Variants in SPOCK3 observed in about 807,000 individuals in gnomAD.
The protein encoded by SPOCK3 is testican-3.
A neutral mutation model predicts 56.6 loss-of-function variants in SPOCK3; 30 were observed. That is an observed-to-expected ratio of 0.53 (90% CI 0.40 to 0.72). The LOEUF (loss-of-function observed/expected upper bound fraction) is 0.72. Among genes scored for constraint, SPOCK3 ranks in the 30% least tolerant of loss-of-function variants. The probability of loss-of-function intolerance (pLI) is 0.00; values close to 1 mark genes in which losing one functional copy is unlikely to be tolerated. For missense variants in SPOCK3, 527 were observed against 530.0 expected, an observed-to-expected ratio of 0.99 and a Z score of 0.06; for synonymous variants, 196 against 183.3, an observed-to-expected ratio of 1.07 and a Z score of -0.56.
chr4:167,062,048 C>G lies in SPOCK3; in HGVS notation c.235+444G>C, dbSNP rs1232746673. On this transcript the variant is annotated intron_variant, in intron 3 of 10. Transcript: ENST00000357545. Reference sequence around the variant, plus strand: ...TTGTATAACACGTTTCCTTTTGGGGCTTGTTAAGACCCCAGCTGAGTCTAA... The same window carrying G: ...TTGTATAACACGTTTCCTTTTGGGGGTTGTTAAGACCCCAGCTGAGTCTAA... 2.0e-5 allele frequency among the ~76,000 whole-genome samples: 3 copies of G among 151,710 alleles called. No individual in the cohort carries two copies. The East Asian group carries it at 5.8e-4, about 29-fold the overall frequency.
chr4:167,180,393 A>G (rs577414375), intron 2 of SPOCK3, among the ~76,000 whole-genome samples: 3 of 152,302 alleles, frequency 2.0e-5, no homozygotes, highest in Admixed American at 6.5e-5. Flanking sequence ...TGGTCAGGAC[A>G]GAACAGGGAC....
chr4:166,795,106 C>T (rs1423652100), intron 6 of SPOCK3, among the ~76,000 whole-genome samples: 2 of 152,134 alleles, frequency 1.3e-5, no homozygotes, highest in African/African-American at 4.8e-5. Context: ...AGACAATGAA[C>T]ATTTATTGAT....
chr4:167,046,450 CTTTT>C (rs67108499), intron 3 of SPOCK3, among the ~76,000 whole-genome samples: 8 of 53,700 alleles, frequency 1.5e-4, no homozygotes, highest in African/African-American at 3.2e-4. Flanking sequence ...TTCTGATATT[CTTTT>C]TTTTTTTTTT....
chr4:166,892,253 T>C (rs1169800658), intron 5 of SPOCK3, among the ~76,000 whole-genome samples: 2 of 152,082 alleles, frequency 1.3e-5, no homozygotes, highest in East Asian at 1.9e-4. Context: ...ATGATTTTCA[T>C]GAAATGATAA....
At chr4:166,895,759 C>G (rs2127032135) in intron 5 of SPOCK3, among the ~76,000 whole-genome samples, 1 of 152,176 alleles carries the variant, frequency 6.6e-6, no homozygotes, top group Middle Eastern at 3.4e-3. Context: ...CAATGGTCAC[C>G]AAACTGTTTT....
rs1469885137 is a variant in SPOCK3, at chr4:167,059,919, G to A, written c.235+2573C>T. ...TCGCAAGAACAAAAAACCAAACACC[G>A]CATATTCTCACTCATAGGTGGGAAT... is the stretch of plus-strand genomic sequence containing the variant. On this transcript the variant is annotated intron_variant, in intron 3 of 10. Transcript: ENST00000357545. Among the ~76,000 whole-genome samples, 8 of 151,230 alleles carry A rather than the reference G, an allele frequency of 5.3e-5. No individual in the cohort carries two copies. The East Asian group carries it at 5.9e-4, about 11-fold the overall frequency.
intron 10 of SPOCK3, among the ~76,000 whole-genome samples, chr4:166,736,275 C>G (rs1219477507): frequency 6.6e-6 from 1 of 152,058 alleles, no homozygotes; most frequent in African/African-American, 2.4e-5. Flanking sequence ...GAACTCATCT[C>G]CATATAACTT....
chr4:166,998,092 T>C (rs1180065647), intron 4 of SPOCK3, among the ~76,000 whole-genome samples: 2 of 152,176 alleles, frequency 1.3e-5, no homozygotes, highest in African/African-American at 4.8e-5. Flanking sequence ...AATCACTATG[T>C]ACTGACATCC....
intron 6 of SPOCK3, among the ~76,000 whole-genome samples, chr4:166,801,682 T>A (rs879306069): frequency 6.6e-6 from 1 of 152,128 alleles, no homozygotes; most frequent in African/African-American, 2.4e-5. Context: ...AGAAAATATT[T>A]CAAATATATT....
chr4:166,825,358 T>C (rs1745348963), intron 6 of SPOCK3, among the ~76,000 whole-genome samples: 1 of 152,116 alleles, frequency 6.6e-6, no homozygotes, highest in Non-Finnish European at 1.5e-5. Flanking sequence ...CTGCAAATCT[T>C]ATCTATACTC....
intron 7 of SPOCK3, among the ~76,000 whole-genome samples, chr4:166,780,621 A>C (rs1740059260): frequency 6.6e-6 from 1 of 152,180 alleles, no homozygotes; most frequent in Non-Finnish European, 1.5e-5. Flanking sequence ...TTAAAAACAC[A>C]GCTGTACCTG....
At chr4:167,049,589 T>C (rs1291564055) in intron 3 of SPOCK3, among the ~76,000 whole-genome samples, 6 of 152,326 alleles carry the variant, frequency 3.9e-5, no homozygotes, top group Non-Finnish European at 8.8e-5. Context: ...ATATTTGGTA[T>C]AAAATATTCA....
chr4:166,907,548 G>A (rs763422782), intron 5 of SPOCK3, among the ~76,000 whole-genome samples: 1 of 152,104 alleles, frequency 6.6e-6, no homozygotes, highest in Non-Finnish European at 1.5e-5. Context: ...AGTAACTGAA[G>A]ACAAGAGAGG....
chr4:166,769,726 G>A (rs1738668483), intron 7 of SPOCK3, among the ~76,000 whole-genome samples: 1 of 152,176 alleles, frequency 6.6e-6, no homozygotes. Flanking sequence ...GTCAGACAGG[G>A]ACATTTAAGT....
chr4:166,866,925 C>T lies in SPOCK3; in HGVS notation c.589+22205G>A, dbSNP rs185231789. 1.3e-3 allele frequency among the ~76,000 whole-genome samples: 193 copies of T among 152,084 alleles called. 3 individuals carry two copies. Among genetic ancestry groups the T allele is most frequent in the Non-Finnish European group, 5.3e-4 (36 of 67,952 alleles). ...AGATAAATATAGTTAAAAACATGATCCTTAAAACAAATTATTTATCGTACA... is the reference window on the plus strand; with the variant it reads ...AGATAAATATAGTTAAAAACATGATTCTTAAAACAAATTATTTATCGTACA... On this transcript the variant is annotated intron_variant, in intron 6 of 10. Transcript: ENST00000357545.
At chr4:166,916,467 T>C (rs1262827448) in intron 4 of SPOCK3, among the ~76,000 whole-genome samples, 1 of 152,162 alleles carries the variant, frequency 6.6e-6, no homozygotes, top group Non-Finnish European at 1.5e-5. Flanking sequence ...AACAGTCTCA[T>C]TTTCCTAATA....
At chr4:167,020,036 A>G (rs1751018809) in intron 3 of SPOCK3, among the ~76,000 whole-genome samples, 1 of 152,098 alleles carries the variant, frequency 6.6e-6, no homozygotes, top group Non-Finnish European at 1.5e-5. Context: ...TGGATGTTAC[A>G]GAAGTGAAAC....
chr4:166,835,452 C>G (rs1746510658), intron 6 of SPOCK3, among the ~76,000 whole-genome samples: 2 of 152,068 alleles, frequency 1.3e-5, no homozygotes, highest in Admixed American at 6.6e-5. Context: ...TGTGTTGTAT[C>G]TTAAACTATT....
At chr4:166,882,800 TC>T (rs1388924527) in intron 6 of SPOCK3, 2 of 152,188 alleles carry the variant, frequency 1.3e-5, no homozygotes, top group Non-Finnish European at 2.9e-5. Context: ...TGAAAACTCC[TC>T]TTTCAGGTTA....
Sources: gnomAD v4.1 joint callset for allele counts (sites outside exome capture counted in the v4.1 genomes callset) on GRCh38, gnomAD v4.1.1 for gene constraint, MANE v1.5 for transcripts, NCBI Gene and HGNC (gene_info 2026-07-23, HGNC 2026-07-21) for gene names.